The following KIF26B variants were observed in gnomAD, a reference collection of about 807,000 sequenced individuals.
KIF26B encodes kinesin family member 26B.
A neutral mutation model predicts 151.2 loss-of-function variants in KIF26B; 63 were observed. The observed-to-expected ratio is 0.42, with a 90% confidence interval of 0.34 to 0.51. KIF26B has a LOEUF of 0.51. Ranked by LOEUF, KIF26B falls within the 20% of genes least tolerant of loss-of-function variation. The probability of loss-of-function intolerance (pLI) is 0.07; values close to 1 mark genes in which losing one functional copy is unlikely to be tolerated. For missense variants in KIF26B, 2,813 were observed against 2,913.6 expected (o/e 0.97, Z 0.79); for synonymous variants, 1,357 against 1,262.1 (o/e 1.08, Z -1.59).
At chr1:245,613,720 C>T (rs534674759) in intron 9 of KIF26B, among the ~76,000 whole-genome samples, 4 of 152,236 alleles carry the variant, frequency 2.6e-5, no homozygotes, top group African/African-American at 7.2e-5. Flanking sequence ...GAGCTCTTTG[C>T]GGGCTTCTGC....
chr1:245,708,035 A>G lies in KIF26B; in HGVS notation c.*5429A>G, dbSNP rs753929054. On this transcript the variant is annotated 3_prime_UTR_variant, in exon 15 of 15. Transcript: ENST00000407071. The stretch of plus-strand genomic sequence containing the variant: ...CCAAAGTACTTTAGTGAGTCTTACA[A>G]TCTTAAGGCATTTTGTCCCCTCACT... 8.5e-5 allele frequency: 13 copies of G among 152,174 alleles called. No individual in the cohort carries two copies. The highest frequency in any genetic ancestry group is 2.9e-4 in the African/African-American group (12 of 41,446). The allele number at this position is 152,174 out of a possible 1,614,324, so 9.4% of individuals were successfully genotyped here.
chr1:245,283,320 C>T lies in KIF26B; in HGVS notation c.466-83514C>T, dbSNP rs933790418. On this transcript the variant is annotated intron_variant, in intron 2 of 14. Transcript: ENST00000407071. The stretch of plus-strand genomic sequence containing the variant: ...CCAATCCGCGCAAGCCCAACCACCT[C>T]AAGCCCAATCCGCCCAAGCCCCGAC... Among the ~76,000 whole-genome samples the T allele has an allele frequency of 3.3e-5, 5 of 152,188 alleles. No homozygotes were observed. In the East Asian group the frequency reaches 7.7e-4, roughly 23 times the overall value.
At chr1:245,477,255 T>A (rs35355697) in intron 4 of KIF26B, among the ~76,000 whole-genome samples, 18,294 of 151,904 alleles carry the variant, frequency 0.12, 1,737 homozygotes, top group African/African-American at 0.24. Flanking sequence ...AGAAAGCATA[T>A]TTTTGAAGCT....
chr1:245,353,121 T>C (rs1672606240), intron 2 of KIF26B, among the ~76,000 whole-genome samples: 1 of 152,210 alleles, frequency 6.6e-6, no homozygotes, highest in Non-Finnish European at 1.5e-5. Context: ...TCTTTTAAAA[T>C]GTGAGGACAA....
chr1:245,199,471 T>C (rs1669258480), intron 2 of KIF26B, among the ~76,000 whole-genome samples: 1 of 151,908 alleles, frequency 6.6e-6, no homozygotes, highest in Non-Finnish European at 1.5e-5. Context: ...CCTGTTCATA[T>C]ATCCACATAT....
chr1:245,673,168 C>T (rs1279298279), intron 10 of KIF26B, among the ~76,000 whole-genome samples: 6 of 103,682 alleles, frequency 5.8e-5, no homozygotes, highest in Admixed American at 1.9e-4. Context: ...ATATTAGGCC[C>T]AGTCCCCGCT....
chr1:245,427,259 A>G (rs940051640), intron 4 of KIF26B, among the ~76,000 whole-genome samples: 5 of 152,220 alleles, frequency 3.3e-5, no homozygotes, highest in African/African-American at 1.2e-4. Flanking sequence ...CAGTTTCACA[A>G]CTTGGAACAG....
intron 12 of KIF26B, among the ~76,000 whole-genome samples, chr1:245,695,735 C>T (rs1558278190): frequency 6.6e-6 from 1 of 152,122 alleles, no homozygotes; most frequent in Non-Finnish European, 1.5e-5. Context: ...AGTGAAATGT[C>T]ACTCTCCAGG....
chr1:245,634,948 T>G (rs1341824031), intron 9 of KIF26B, among the ~76,000 whole-genome samples: 1 of 152,182 alleles, frequency 6.6e-6, no homozygotes, highest in East Asian at 1.9e-4. Flanking sequence ...ACTTCGGGCC[T>G]GAAGCACCTC....
At chr1:245,385,680 C>G (rs1673526415) in intron 3 of KIF26B, among the ~76,000 whole-genome samples, 1 of 152,194 alleles carries the variant, frequency 6.6e-6, no homozygotes, top group Non-Finnish European at 1.5e-5. Context: ...GAGGGCAAAA[C>G]ATGGACTTCA....
intron 10 of KIF26B, among the ~76,000 whole-genome samples, chr1:245,658,283 G>A (rs2044096408): frequency 6.6e-6 from 1 of 151,938 alleles, no homozygotes; most frequent in African/African-American, 2.4e-5. Flanking sequence ...TTCTGTGGGT[G>A]GATTTCTAAC....
intron 2 of KIF26B, among the ~76,000 whole-genome samples, chr1:245,289,345 T>A (rs987022578): frequency 1.8e-4 from 28 of 152,192 alleles, no homozygotes; most frequent in African/African-American, 6.3e-4. Context: ...GAACCTTCTG[T>A]TACCCCAGGC....
intron 2 of KIF26B, among the ~76,000 whole-genome samples, chr1:245,188,349 C>T (rs1391222801): frequency 6.6e-6 from 1 of 150,788 alleles, no homozygotes; most frequent in Non-Finnish European, 1.5e-5. Flanking sequence ...TCGGTGAAGC[C>T]GGGAGAGTAG....
chr1:245,435,948 G>A (rs563104604), intron 4 of KIF26B, among the ~76,000 whole-genome samples: 2 of 152,172 alleles, frequency 1.3e-5, no homozygotes, highest in Non-Finnish European at 2.9e-5. Flanking sequence ...GGAGGCCAAG[G>A]TGGGTGGATC....
chr1:245,437,475 G>A (rs1173034285), intron 4 of KIF26B, among the ~76,000 whole-genome samples: 1 of 152,206 alleles, frequency 6.6e-6, no homozygotes, highest in Non-Finnish European at 1.5e-5. Context: ...CTGTGGTCCT[G>A]ATTGCCAACC....
At chr1:245,578,459 C>T (rs536897441) in intron 5 of KIF26B, among the ~76,000 whole-genome samples, 1 of 152,352 alleles carries the variant, frequency 6.6e-6, no homozygotes, top group African/African-American at 2.4e-5. Context: ...CTGTCTTTCC[C>T]TTTAAGTCGG....
At chr1:245,585,372 TAA>T (rs60778983) in intron 5 of KIF26B, among the ~76,000 whole-genome samples, 3,663 of 152,218 alleles carry the variant, frequency 0.024, 154 homozygotes, top group African/African-American at 0.082. Flanking sequence ...GTTTACAAAG[TAA>T]AGAGTCTGTG....
intron 2 of KIF26B, among the ~76,000 whole-genome samples, chr1:245,204,961 C>A (rs1449626139): frequency 1.3e-5 from 2 of 151,532 alleles, no homozygotes; most frequent in African/African-American, 4.9e-5. Context: ...TTAACAATTT[C>A]TTTTTGTAGA....
At chr1:245,336,181 A>G (rs1672229867) in intron 2 of KIF26B, among the ~76,000 whole-genome samples, 1 of 152,040 alleles carries the variant, frequency 6.6e-6, no homozygotes, top group South Asian at 2.1e-4. Flanking sequence ...CAGGGAAAGG[A>G]GAGTCCCACG....
Sources: allele counts gnomAD v4.1 joint callset (sites outside exome capture counted in the v4.1 genomes callset), GRCh38; gene constraint gnomAD v4.1.1; transcripts MANE v1.5; gene names NCBI Gene and HGNC (gene_info 2026-07-23, HGNC 2026-07-21).